Variants in DEPTOR observed in about 807,000 individuals in gnomAD.
DEPTOR encodes the protein DEP domain-containing mTOR-interacting protein.
DEPTOR carries 41 observed loss-of-function variants against 41.6 expected under a neutral mutation model. The ratio of observed to expected loss-of-function variants is 0.98; its 90% CI spans 0.77 to 1.28. The LOEUF (loss-of-function observed/expected upper bound fraction) is 1.28. DEPTOR is among the 50% of genes most tolerant of loss of function. The pLI, the probability that DEPTOR is intolerant of heterozygous loss-of-function variation, is 0.00. For missense variants in DEPTOR, 514 were observed against 527.9 expected (o/e 0.97, Z 0.26); for synonymous variants, 195 against 192.3 (o/e 1.01, Z -0.12).
intron 3 of DEPTOR, among the ~76,000 whole-genome samples, chr8:119,935,420 T>C (rs1440269666): frequency 6.6e-6 from 1 of 152,118 alleles, no homozygotes; most frequent in Non-Finnish European, 1.5e-5. Context: ...GCAAAATAGA[T>C]TTATTTAAGA....
At chr8:120,023,230 C>T (rs1334774257) in intron 8 of DEPTOR, among the ~76,000 whole-genome samples, 1 of 151,972 alleles carries the variant, frequency 6.6e-6, no homozygotes, top group East Asian at 1.9e-4. Flanking sequence ...TAATTACTTT[C>T]TTTTCTTTTC....
chr8:120,047,311 T>C (rs529130645), intron 8 of DEPTOR, among the ~76,000 whole-genome samples: 57 of 152,126 alleles, frequency 3.7e-4, no homozygotes, highest in African/African-American at 1.3e-3. Flanking sequence ...TGTGAGCCAC[T>C]GCACCCAGCC....
intron 3 of DEPTOR, among the ~76,000 whole-genome samples, chr8:119,957,500 G>C (rs1164016985): frequency 1.1e-4 from 16 of 152,012 alleles, no homozygotes; most frequent in Admixed American, 1.0e-3. Flanking sequence ...CTCCAAGACA[G>C]CTTATTTGAG....
chr8:120,034,440 T>C (rs1026471809), intron 8 of DEPTOR, among the ~76,000 whole-genome samples: 5 of 122,380 alleles, frequency 4.1e-5, no homozygotes, highest in Non-Finnish European at 8.0e-5. Context: ...TTTTTTCCTT[T>C]TTCTTTTTTT....
chr8:119,919,524 A>C (rs1269627206), intron 1 of DEPTOR, among the ~76,000 whole-genome samples: 4 of 152,262 alleles, frequency 2.6e-5, no homozygotes, highest in Non-Finnish European at 4.4e-5. Flanking sequence ...AGATATTAAA[A>C]GGAAATGCAG....
intron 8 of DEPTOR, among the ~76,000 whole-genome samples, chr8:120,019,076 G>A (rs1273228649): frequency 1.3e-5 from 2 of 152,060 alleles, no homozygotes; most frequent in Admixed American, 1.3e-4. Context: ...AGACTGAGGC[G>A]GACGGACCAC....
chr8:120,024,417 A>T (rs1464561526), intron 8 of DEPTOR, among the ~76,000 whole-genome samples: 1 of 152,156 alleles, frequency 6.6e-6, no homozygotes, highest in East Asian at 1.9e-4. Flanking sequence ...CCAAAAAGAT[A>T]TGTTGAAGTC....
At position 120,010,098 on chromosome 8, in the gene DEPTOR, T is replaced by C. The variant is rs144704993; in HGVS notation, c.1101+965T>C. On this transcript the variant is annotated intron_variant, in intron 8 of 8. Coordinates refer to ENST00000286234, the MANE Select transcript of DEPTOR (RefSeq NM_022783.4). ...AGAGATCTGGAGATCTAGATCTCGG[T>C]CCTGTTAGCTACTAGCTCGTTGACT... Among the ~76,000 whole-genome samples the C allele has an allele frequency of 1.3e-3, 197 of 152,226 alleles. 2 individuals carry two copies. Among genetic ancestry groups the C allele is most frequent in the African/African-American group, 4.3e-3 (180 of 41,542 alleles).
At chr8:120,036,862 A>G (rs1812986122) in intron 8 of DEPTOR, among the ~76,000 whole-genome samples, 1 of 152,200 alleles carries the variant, frequency 6.6e-6, no homozygotes, top group African/African-American at 2.4e-5. Context: ...TCCTTAACGG[A>G]ATTTGACTGC....
chr8:120,016,392 G>A (rs916076660), intron 8 of DEPTOR, among the ~76,000 whole-genome samples: 2 of 151,516 alleles, frequency 1.3e-5, no homozygotes, highest in Non-Finnish European at 2.9e-5. Flanking sequence ...TCTGCCTCCC[G>A]AGTTCAAGTG....
intron 3 of DEPTOR, among the ~76,000 whole-genome samples, chr8:119,959,950 C>T (rs1297455772): frequency 6.6e-6 from 1 of 152,046 alleles, no homozygotes; most frequent in Non-Finnish European, 1.5e-5. Context: ...CATTCATGGG[C>T]CAGGCGCAGT....
In DEPTOR at chr8:119,897,894, G is replaced by A. The variant is rs545476606; in HGVS notation, c.122+23926G>A. Among the ~76,000 whole-genome samples, 3 of 152,316 alleles carry A rather than the reference G, an allele frequency of 2.0e-5. No individual in the cohort carries two copies. In the East Asian group the frequency reaches 5.8e-4, roughly 29 times the overall value. ...ACCTAGCATGTAGGAAACACTCATT[G>A]TTAGTTGCTCCTGCTATTAATAGTA... On this transcript the variant is annotated intron_variant, in intron 1 of 8. Transcript: ENST00000286234.
At chr8:119,906,097 G>A (rs140753776) in intron 1 of DEPTOR, among the ~76,000 whole-genome samples, 7 of 152,214 alleles carry the variant, frequency 4.6e-5, no homozygotes, top group African/African-American at 1.7e-4. Context: ...CTGGCCTAAT[G>A]TAACAGTTAC....
At chr8:119,956,648 A>G (rs1828420080) in intron 3 of DEPTOR, among the ~76,000 whole-genome samples, 1 of 149,178 alleles carries the variant, frequency 6.7e-6, no homozygotes, top group East Asian at 2.0e-4. Flanking sequence ...AATGGAGACT[A>G]TCAATAGTGC....
intron 8 of DEPTOR, among the ~76,000 whole-genome samples, chr8:120,030,710 G>A (rs1031000859): frequency 6.6e-6 from 1 of 151,712 alleles, no homozygotes; most frequent in African/African-American, 2.4e-5. Flanking sequence ...TCACCATGTG[G>A]GCCAGGCTGA....
chr8:120,032,550 G>T (rs1331558179), intron 8 of DEPTOR, among the ~76,000 whole-genome samples: 2 of 152,032 alleles, frequency 1.3e-5, no homozygotes, highest in East Asian at 3.9e-4. Flanking sequence ...GAAGGTTCCC[G>T]AGTGGGACCA....
intron 1 of DEPTOR, among the ~76,000 whole-genome samples, chr8:119,921,962 C>T (rs1441569759): frequency 5.9e-5 from 9 of 151,774 alleles, no homozygotes; most frequent in Admixed American, 3.9e-4. Flanking sequence ...ATAGGCTGGG[C>T]GCAGTAGCTC....
chr8:119,894,924 G>A (rs1827498523), intron 1 of DEPTOR, among the ~76,000 whole-genome samples: 1 of 152,164 alleles, frequency 6.6e-6, no homozygotes, highest in East Asian at 1.9e-4. Flanking sequence ...GCATACATTA[G>A]AAGGTAGACA....
At chr8:119,965,159 A>G in intron 3 of DEPTOR, 73 bp from the exon 4 acceptor site, 1 of 1,478,476 alleles carries the variant, frequency 6.8e-7, no homozygotes, top group Non-Finnish European at 9.0e-7. Context: ...TACTTCATGG[A>G]AATCTATGAT....
Sources: gnomAD v4.1 joint callset for allele counts (sites outside exome capture counted in the v4.1 genomes callset) on GRCh38, gnomAD v4.1.1 for gene constraint, MANE v1.5 for transcripts, NCBI Gene and HGNC (gene_info 2026-07-23, HGNC 2026-07-21) for gene names.